PDZD2: variants seen among roughly 807,000 people sequenced by gnomAD.
PDZD2 encodes PDZ domain-containing protein 2.
PDZD2 carries 90 observed loss-of-function variants against 220.7 expected under a neutral mutation model. The ratio of observed to expected loss-of-function variants is 0.41; its 90% CI spans 0.34 to 0.49. PDZD2 has a LOEUF of 0.49. Ranked by LOEUF, PDZD2 falls within the 20% of genes least tolerant of loss-of-function variation. The probability of loss-of-function intolerance (pLI) is 0.28; values close to 1 mark genes in which losing one functional copy is unlikely to be tolerated. For missense variants in PDZD2, 3,174 were observed against 3,608.5 expected (o/e 0.88, Z 3.08); for synonymous variants, 1,375 against 1,450.5 (o/e 0.95, Z 1.18).
chr5:31,651,516 A>G (rs1052585389), intron 1 of PDZD2, among the ~76,000 whole-genome samples: 2 of 152,168 alleles, frequency 1.3e-5, no homozygotes, highest in Non-Finnish European at 2.9e-5. Flanking sequence ...CTCATGGGGA[A>G]TGTCACCACC....
intron 1 of PDZD2, among the ~76,000 whole-genome samples, chr5:31,661,785 GT>G (rs5867089): frequency 0.24 from 33,927 of 141,732 alleles, 4,590 homozygotes; most frequent in East Asian, 0.46. Context: ...TCCTCCCTTG[GT>G]TTTTTTTTTT....
In PDZD2 at chr5:32,101,095, G is replaced by A. The variant is rs374836590; in HGVS notation, c.8219-10G>A. ...TGTCATTTTCATCTTGGTGCACGCT[G>A]CGGCTGCAGGGAGAAGTGTGGCTGT... On this transcript the variant is annotated splice_polypyrimidine_tract_variant and intron_variant, in intron 23 of 24. Transcript: ENST00000438447. 13 of 1,614,022 alleles carry A rather than the reference G, an allele frequency of 8.1e-6. No individual in the cohort carries two copies. The highest frequency in any genetic ancestry group is 1.1e-5 in the Non-Finnish European group (13 of 1,179,998).
Position 31,799,003 on chromosome 5 carries a change from T to G in PDZD2, c.-246T>G. On this transcript the variant is annotated 5_prime_UTR_variant, in exon 2 of 25. Transcript: ENST00000438447. Reference sequence around the variant, plus strand: ...ACCTGGCAGGGACTTGTTAGACACTTCCTTCCTTCCCTCATTGAGCACTCC... The same window carrying G: ...ACCTGGCAGGGACTTGTTAGACACTGCCTTCCTTCCCTCATTGAGCACTCC... 3 of 510,480 alleles carry G rather than the reference T, an allele frequency of 5.9e-6. No homozygotes were observed. Among genetic ancestry groups the G allele is most frequent in the Non-Finnish European group, 1.0e-5 (3 of 287,776 alleles). The allele number at this position is 510,480 out of a possible 1,614,324, so 31.6% of individuals were successfully genotyped here. A position where few individuals can be genotyped will look rare whatever the true frequency, so the allele number is the denominator to read the frequency against.
At chr5:31,943,436 A>G (rs1320257140) in intron 2 of PDZD2, among the ~76,000 whole-genome samples, 3 of 152,150 alleles carry the variant, frequency 2.0e-5, no homozygotes, top group Non-Finnish European at 4.4e-5. Context: ...CCACATTGGT[A>G]TGGTAGGACC....
intron 2 of PDZD2, among the ~76,000 whole-genome samples, chr5:31,860,486 C>A (rs1291509762): frequency 6.6e-6 from 1 of 152,148 alleles, no homozygotes; most frequent in Non-Finnish European, 1.5e-5. Flanking sequence ...CTTTGAGAGG[C>A]TAGCAATCCT....
At position 31,732,100 on chromosome 5, in the gene PDZD2, G is replaced by A. The variant is rs755063346; in HGVS notation, c.-360-66789G>A. Among the ~76,000 whole-genome samples, 78 of 152,280 alleles carry A rather than the reference G, an allele frequency of 5.1e-4. 1 individual carries two copies. The highest frequency in any genetic ancestry group is 2.1e-4 in the South Asian group (1 of 4,826). ...TAGAGGCCCCTCATCCTCTACATGC[G>A]TAATTCTGGAGCAGAGGAGGGGCGC... is the stretch of plus-strand genomic sequence containing the variant. On this transcript the variant is annotated intron_variant, in intron 1 of 24. Transcript: ENST00000438447.
intron 2 of PDZD2, among the ~76,000 whole-genome samples, chr5:31,956,143 A>G (rs1257691305): frequency 6.6e-6 from 1 of 151,978 alleles, no homozygotes; most frequent in African/African-American, 2.4e-5. Flanking sequence ...CCCTTGCTCT[A>G]TAGTACTGTT....
intron 2 of PDZD2, among the ~76,000 whole-genome samples, chr5:31,971,187 C>A (rs1029441415): frequency 3.3e-5 from 5 of 152,186 alleles, no homozygotes; most frequent in African/African-American, 1.2e-4. Context: ...TTATTTCTCA[C>A]AGTTCTGGAG....
intron 24 of PDZD2, among the ~76,000 whole-genome samples, chr5:32,102,818 C>T (rs930134027): frequency 1.3e-5 from 2 of 152,108 alleles, no homozygotes; most frequent in Admixed American, 6.6e-5. Context: ...GGTGTGGTAG[C>T]GCATGCCTGT....
rs202059475 is a variant in PDZD2 at position 32,089,150 on chromosome 5, CTGCTGCGAA to C, written c.5708_5716del (p.Ala1903_Ala1905del). 865 of 1,614,176 alleles carry C rather than the reference CTGCTGCGAA, an allele frequency of 5.4e-4. 5 individuals carry two copies. In the African/African-American group the frequency reaches 0.01, roughly 19 times the overall value. ...AAGGCCAAAGTCAACTCTGAGGCCC[CTGCTGCGAA>C]TGCTGTGAAGGCTGGGGGGACGGAC... is the stretch of plus-strand genomic sequence containing the variant. On this transcript the variant is annotated inframe_deletion, in exon 20 of 25. Transcript: ENST00000438447.
intron 1 of PDZD2, among the ~76,000 whole-genome samples, chr5:31,700,058 G>A (rs1747550260): frequency 6.6e-6 from 1 of 152,114 alleles, no homozygotes; most frequent in African/African-American, 2.4e-5. Flanking sequence ...CCTGGAGTGG[G>A]ACAGATGGAG....
chr5:32,065,145 C>G (rs569677129), intron 14 of PDZD2, among the ~76,000 whole-genome samples: 10 of 152,100 alleles, frequency 6.6e-5, no homozygotes, highest in African/African-American at 2.4e-4. Flanking sequence ...ACCAATAATA[C>G]AAAAATTAGC....
intron 2 of PDZD2, among the ~76,000 whole-genome samples, chr5:31,962,519 G>A (rs2111708345): frequency 6.6e-6 from 1 of 152,318 alleles, no homozygotes; most frequent in African/African-American, 2.4e-5. Flanking sequence ...GAACCCCGTG[G>A]TTGAGTGGTG....
chr5:31,826,429 T>G (rs962739701), intron 2 of PDZD2, among the ~76,000 whole-genome samples: 1 of 152,086 alleles, frequency 6.6e-6, no homozygotes, highest in Admixed American at 6.6e-5. Context: ...TCTCAGCACT[T>G]TGGGAAGCCG....
At chr5:31,879,041 G>A (rs1030501799) in intron 2 of PDZD2, among the ~76,000 whole-genome samples, 2 of 151,854 alleles carry the variant, frequency 1.3e-5, no homozygotes, top group African/African-American at 2.4e-5. Context: ...GTGGCCACCC[G>A]TTTATATTCT....
At chr5:31,669,645 T>C (rs1344998771) in intron 1 of PDZD2, among the ~76,000 whole-genome samples, 2 of 152,168 alleles carry the variant, frequency 1.3e-5, no homozygotes, top group Non-Finnish European at 2.9e-5. Flanking sequence ...CTTTCCAAAG[T>C]TCACAGTAAC....
At chr5:31,663,375 C>T (rs1293376289) in intron 1 of PDZD2, among the ~76,000 whole-genome samples, 2 of 152,156 alleles carry the variant, frequency 1.3e-5, no homozygotes, top group South Asian at 2.1e-4. Flanking sequence ...GGACTTTTCC[C>T]CACTGCCCCA....
intron 6 of PDZD2, among the ~76,000 whole-genome samples, chr5:32,023,044 G>A (rs935821812): frequency 6.6e-6 from 1 of 152,218 alleles, no homozygotes; most frequent in African/African-American, 2.4e-5. Context: ...GGGAAGCCGT[G>A]TGAGTGACAG....
At chr5:31,734,756 G>A (rs1335220192) in intron 1 of PDZD2, among the ~76,000 whole-genome samples, 1 of 152,112 alleles carries the variant, frequency 6.6e-6, no homozygotes, top group East Asian at 1.9e-4. Context: ...ACCCAATCAC[G>A]AGATTGGTTT....
Sources: gnomAD v4.1 joint callset for allele counts (sites outside exome capture counted in the v4.1 genomes callset) on GRCh38, gnomAD v4.1.1 for gene constraint, MANE v1.5 for transcripts, NCBI Gene and HGNC (gene_info 2026-07-23, HGNC 2026-07-21) for gene names.